TACC2: variants seen among roughly 807,000 people sequenced by gnomAD.
TACC2 encodes the protein transforming acidic coiled-coil containing protein 2, also known as transforming acidic coiled-coil-containing protein 2.
Under a neutral mutation model 227.3 loss-of-function variants are expected in TACC2, and 137 were observed. The ratio of observed to expected loss-of-function variants is 0.60; its 90% CI spans 0.52 to 0.69. The LOEUF (loss-of-function observed/expected upper bound fraction) is 0.69, where lower values mean the gene tolerates loss of function less well. Among genes scored for constraint, TACC2 ranks in the 30% least tolerant of loss-of-function variants. The pLI is 0.00. For missense variants in TACC2, 3,470 were observed against 3,694.4 expected, an observed-to-expected ratio of 0.94 and a Z score of 1.57; for synonymous variants, 1,523 against 1,487.5, an observed-to-expected ratio of 1.02 and a Z score of -0.55.
chr10:122,192,973 C>T (rs972068082), intron 7 of TACC2, among the ~76,000 whole-genome samples: 2 of 152,210 alleles, frequency 1.3e-5, no homozygotes, highest in East Asian at 3.9e-4. Flanking sequence ...TTGTTTTCCA[C>T]ACCGATAAAC....
In TACC2 at chr10:122,084,806, C is replaced by T. The variant is rs778422472; in HGVS notation, c.2306C>T (p.Ala769Val). Residue 769 changes from alanine to valine, a missense_variant, in exon 4 of 23, where the codon GCG becomes GTG. Coordinates refer to ENST00000369005, the MANE Select transcript of TACC2 (RefSeq NM_206862.4). Reference protein sequence around the residue: ...PDQPRGPACDASRQEFHAGVP... With the variant: ...PDQPRGPACDVSRQEFHAGVP... ...CAACCCCGCGGGCCGGCGTGTGATGCGTCGAGACAGGAATTTCATGCTGGG... is the reference window on the plus strand; with the variant it reads ...CAACCCCGCGGGCCGGCGTGTGATGTGTCGAGACAGGAATTTCATGCTGGG... The T allele has an allele frequency of 5.6e-6, 9 of 1,613,548 alleles. No homozygotes were observed. The highest frequency in any genetic ancestry group is 2.2e-5 in the South Asian group (2 of 91,086).
Position 122,084,431 on chromosome 10 carries a change from C to T in TACC2, c.1931C>T (p.Thr644Met), listed in dbSNP as rs60531929. The T allele has an allele frequency of 5.0e-3, 8,016 of 1,612,750 alleles. 303 individuals are homozygous for T. In the African/African-American group the frequency reaches 0.091, roughly 18 times the overall value. Residue 644 changes from threonine to methionine, a missense_variant, in exon 4 of 23, where the codon ACG (threonine) becomes ATG (methionine). Transcript: ENST00000369005. ...QPPRKGGAGH[T>M]DGPHSQTAEA... ...CCCAGAAAGGGGGGTGCTGGGCACA[C>T]GGACGGGCCCCACTCTCAGACAGCA...
At chr10:122,058,660 G>A (rs1303225319) in intron 3 of TACC2, among the ~76,000 whole-genome samples, 4 of 152,088 alleles carry the variant, frequency 2.6e-5, no homozygotes, top group African/African-American at 4.8e-5. Flanking sequence ...ACCTGCCTCG[G>A]CCTCCCAAAG....
chr10:122,095,177 G>A (rs1188173782), intron 5 of TACC2, among the ~76,000 whole-genome samples: 1 of 152,158 alleles, frequency 6.6e-6, no homozygotes, highest in Non-Finnish European at 1.5e-5. Flanking sequence ...CTCCTTAGGA[G>A]GGGGATGGGG....
chr10:122,156,862 G>A (rs2092518639), intron 7 of TACC2, among the ~76,000 whole-genome samples: 1 of 152,200 alleles, frequency 6.6e-6, no homozygotes, highest in African/African-American at 2.4e-5. Context: ...AGTGTCTCAC[G>A]TCTGTAGTCC....
chr10:121,992,482 A>C (rs6585775), intron 1 of TACC2, among the ~76,000 whole-genome samples: 92,286 of 152,040 alleles, frequency 0.61, 28,328 homozygotes, highest in Admixed American at 0.66. Context: ...ATGTAATTGC[A>C]CAGAACAACT....
At position 122,129,677 on chromosome 10, in the gene TACC2, G is replaced by C. The variant is rs573783855; in HGVS notation, c.5574-2932G>C. Among the ~76,000 whole-genome samples the C allele has an allele frequency of 1.1e-4, 17 of 152,288 alleles. No homozygotes were observed. The South Asian group carries it at 1.7e-3, about 15-fold the overall frequency. ...AGTTTGCCTGTAGTTTAGGATTCTAGACATTGTGATTCACCAAGACACCCA... is the reference window on the plus strand; with the variant it reads ...AGTTTGCCTGTAGTTTAGGATTCTACACATTGTGATTCACCAAGACACCCA... On this transcript the variant is annotated intron_variant, in intron 5 of 22. Coordinates refer to ENST00000369005, the MANE Select transcript of TACC2 (RefSeq NM_206862.4).
At chr10:121,995,758 C>CT (rs79988202) in intron 1 of TACC2, among the ~76,000 whole-genome samples, 22,993 of 151,272 alleles carry the variant, frequency 0.15, 2,131 homozygotes, top group Admixed American at 0.24. Flanking sequence ...AGGATCTTTT[C>CT]TTTTTTTTTG....
intron 14 of TACC2, 41 bp from the exon 15 acceptor site, chr10:122,229,305 C>T: frequency 6.2e-7 from 1 of 1,611,624 alleles, no homozygotes; most frequent in Non-Finnish European, 8.5e-7. Flanking sequence ...CTCTGTTCTC[C>T]TCTATTTTTC....
intron 7 of TACC2, among the ~76,000 whole-genome samples, chr10:122,192,203 T>C (rs774045969): frequency 1.3e-5 from 2 of 152,164 alleles, no homozygotes; most frequent in Admixed American, 6.5e-5. Flanking sequence ...AGATCGTTCA[T>C]AGTAAACAGG....
intron 1 of TACC2, among the ~76,000 whole-genome samples, chr10:122,004,796 C>A (rs1954857056): frequency 6.6e-6 from 1 of 152,196 alleles, no homozygotes; most frequent in Non-Finnish European, 1.5e-5. Context: ...GCAATCCCCC[C>A]TCTTGATAAA....
At chr10:122,208,199 A>T (rs1431860001) in intron 8 of TACC2, among the ~76,000 whole-genome samples, 1 of 152,140 alleles carries the variant, frequency 6.6e-6, no homozygotes, top group Non-Finnish European at 1.5e-5. Context: ...GGAGAAGAGG[A>T]GAGTGAGAGG....
chr10:122,012,477 C>A (rs541843572), intron 1 of TACC2, among the ~76,000 whole-genome samples: 1 of 146,888 alleles, frequency 6.8e-6, no homozygotes, highest in Non-Finnish European at 1.5e-5. Context: ...TGATCTCGAA[C>A]TCTTGACCTC....
rs768793077 is a variant in TACC2, at chr10:122,087,401, C to G, written c.4901C>G (p.Pro1634Arg). 2 of 1,614,056 alleles carry G rather than the reference C, an allele frequency of 1.2e-6. No individual in the cohort carries two copies. Among genetic ancestry groups the G allele is most frequent in the African/African-American group, 2.7e-5 (2 of 75,070 alleles). The change falls in exon 4 of 23, where the codon CCT (proline) becomes CGT (arginine). Residue 1634 changes from proline to arginine, a missense_variant. Transcript: ENST00000369005. ...PGHVPRSTCA[P>R]SPQREVLTVP... is the part of the protein sequence containing the mutation. ...CATGTGCCAAGGTCCACGTGTGCCC[C>G]TTCTCCTCAGAGGGAGGTTTTGACT...
At chr10:122,110,431 G>A (rs545722537) in intron 5 of TACC2, among the ~76,000 whole-genome samples, 18 of 152,326 alleles carry the variant, frequency 1.2e-4, no homozygotes, top group Admixed American at 4.6e-4. Context: ...TGGGTTGGCC[G>A]AGAGTTTCTG....
At chr10:122,056,703 G>C (rs2076244175) in intron 3 of TACC2, among the ~76,000 whole-genome samples, 1 of 152,164 alleles carries the variant, frequency 6.6e-6, no homozygotes, top group South Asian at 2.1e-4. Flanking sequence ...TTCCAGGCAG[G>C]GGCAGAATTC....
chr10:122,120,020 G>T (rs78080037), intron 5 of TACC2, among the ~76,000 whole-genome samples: 1 of 152,140 alleles, frequency 6.6e-6, no homozygotes, highest in Non-Finnish European at 1.5e-5. Context: ...TGAGCTTGCC[G>T]TAAAATTCGG....
rs138584845 is a variant in TACC2, at chr10:122,064,019, G to A, written c.146+13469G>A. Among the ~76,000 whole-genome samples the A allele has an allele frequency of 2.8e-4, 43 of 151,848 alleles. 2 individuals carry two copies. Among genetic ancestry groups the A allele is most frequent in the African/African-American group, 8.2e-4 (34 of 41,392 alleles). Reference sequence around the variant, plus strand: ...TCTACTAAAAATACAAAAATTAGCCGGGCGCGGTGGTGTATGCCTGTGGTC... The same window carrying A: ...TCTACTAAAAATACAAAAATTAGCCAGGCGCGGTGGTGTATGCCTGTGGTC... On this transcript the variant is annotated intron_variant, in intron 3 of 22. Coordinates refer to ENST00000369005, the MANE Select transcript of TACC2 (RefSeq NM_206862.4).
At chr10:122,105,787 A>ATT (rs532524943) in intron 5 of TACC2, among the ~76,000 whole-genome samples, 2 of 148,468 alleles carry the variant, frequency 1.3e-5, no homozygotes, top group East Asian at 4.1e-4. Context: ...CACCTGGCTA[A>ATT]TTTTTTTTTA....
Sources: allele counts gnomAD v4.1 joint callset (sites outside exome capture counted in the v4.1 genomes callset), GRCh38; gene constraint gnomAD v4.1.1; transcripts MANE v1.5; gene names NCBI Gene and HGNC (gene_info 2026-07-23, HGNC 2026-07-21).